The following ATP5MG variants were observed in gnomAD, a reference collection of about 807,000 sequenced individuals.
The protein encoded by ATP5MG is ATP synthase F(0) complex subunit g, mitochondrial.
ATP5MG carries 7 observed loss-of-function variants against 12.7 expected under a neutral mutation model. The observed-to-expected ratio is 0.55, with a 90% CI of 0.31 to 1.04. ATP5MG has a LOEUF of 1.04. Ranked by LOEUF, ATP5MG falls within the 50% of genes least tolerant of loss-of-function variation. The pLI, the probability that ATP5MG is intolerant of heterozygous loss-of-function variation, is 0.05. For missense variants in ATP5MG, 116 were observed against 126.7 expected (o/e 0.92, Z 0.41); for synonymous variants, 53 against 48.2 (o/e 1.10, Z -0.41).
intron 1 of ATP5MG, among the ~76,000 whole-genome samples, chr11:118,402,799 A>T (rs548648449): frequency 1.3e-5 from 2 of 150,890 alleles, no homozygotes; most frequent in East Asian, 3.9e-4. Flanking sequence ...TCCTAGGCTC[A>T]AGCGATCCTC....
chr11:118,407,171 G>C, intron 2 of ATP5MG, 74 bp downstream of exon 2: 1 of 1,583,816 alleles, frequency 6.3e-7, no homozygotes, highest in Non-Finnish European at 8.6e-7. Flanking sequence ...TGATTGTTTT[G>C]ATTAATATAT....
At chr11:118,403,587 G>A (rs1390124642) in intron 1 of ATP5MG, among the ~76,000 whole-genome samples, 2 of 152,088 alleles carry the variant, frequency 1.3e-5, no homozygotes, top group African/African-American at 4.8e-5. Flanking sequence ...CCTGAGGTCA[G>A]GAGTTAGACA....
At chr11:118,401,884 C>T (rs781853759) in intron 1 of ATP5MG, 167 bp downstream of exon 1, 1 of 735,410 alleles carries the variant, frequency 1.4e-6, no homozygotes, top group Non-Finnish European at 2.2e-6. Context: ...TCTTTTCTAG[C>T]CTTCCACTCG....
Position 118,401,673 on chromosome 11 carries a change from A to C in ATP5MG, c.8A>C (p.Gln3Pro), listed in dbSNP as rs2134123591. 6.2e-7 allele frequency: 1 copy of C among 1,614,016 alleles called. No individual in the cohort carries two copies. Among genetic ancestry groups the C allele is most frequent in the African/African-American group, 1.3e-5 (1 of 75,002 alleles). Reference sequence around the variant, plus strand: ...ACTCTCCATTCCAGAACCATGGCCCAATTTGTCCGTAACCTTGTGGAGAAG... The same window carrying C: ...ACTCTCCATTCCAGAACCATGGCCCCATTTGTCCGTAACCTTGTGGAGAAG... Reference protein sequence around the residue: MAQFVRNLVEKTP... With the variant: MAPFVRNLVEKTP... The change falls in exon 1 of 3, where the codon CAA becomes CCA. Residue 3 changes from glutamine (Q) to proline (P), a missense_variant. Coordinates refer to ENST00000300688, the MANE Select transcript of ATP5MG (RefSeq NM_006476.5).
At chr11:118,406,709 T>C in intron 1 of ATP5MG, 1 of 571,744 alleles carries the variant, frequency 1.7e-6, no homozygotes, top group Non-Finnish European at 3.0e-6. Flanking sequence ...AATGTGCTTA[T>C]AGCATCCTGC....
chr11:118,405,692 C>A lies in ATP5MG; in HGVS notation c.53-1245C>A, dbSNP rs185269366. On this transcript the variant is annotated intron_variant, in intron 1 of 2. Coordinates refer to ENST00000300688, the MANE Select transcript of ATP5MG (RefSeq NM_006476.5). The stretch of plus-strand genomic sequence containing the variant: ...TTCTGTTTGGAACTATCTCTTAGAG[C>A]TTTGTGTCTGCTTAAAGGTATGCCC... 240 of 985,162 alleles carry A rather than the reference C, an allele frequency of 2.4e-4. 1 individual carries two copies. In the African/African-American group the frequency reaches 4.1e-3, roughly 17 times the overall value. The allele number at this position is 985,162 out of a possible 1,614,324, so 61.0% of individuals were successfully genotyped here.
intron 1 of ATP5MG, chr11:118,401,974 A>C (rs1030059374): frequency 1.5e-5 from 7 of 457,080 alleles, no homozygotes; most frequent in Non-Finnish European, 2.7e-5. Flanking sequence ...GGTAGTGTGA[A>C]GGAAGCCCGG....
At chr11:118,402,696 CTTTTTTTT>C (rs782335353) in intron 1 of ATP5MG, among the ~76,000 whole-genome samples, 1 of 128,220 alleles carries the variant, frequency 7.8e-6, no homozygotes, top group African/African-American at 2.9e-5. Flanking sequence ...TTCTTTCTTT[CTTTTTTTT>C]TTTTTTTTTT....
Position 118,401,612 on chromosome 11 carries a change from G to A in ATP5MG, c.-54G>A. On this transcript the variant is annotated 5_prime_UTR_variant, in exon 1 of 3. Transcript: ENST00000300688. ...ACGGGGTCCTGCAGCGGGTCCTTCC[G>A]GCGGGTGACATTCAGCCGGCGGTTC... The A allele has an allele frequency of 1.9e-6, 3 of 1,610,714 alleles. No homozygotes were observed. The highest frequency in any genetic ancestry group is 1.1e-5 in the South Asian group (1 of 90,968).
intron 2 of ATP5MG, 70 bp from the exon 3 acceptor site, chr11:118,408,930 A>AATATATATAT: frequency 2.4e-6 from 1 of 411,636 alleles, no homozygotes; most frequent in Admixed American, 5.2e-5. Flanking sequence ...AATAGTTTCA[A>AATATATATAT]ATATATATAT....
chr11:118,402,278 GA>G (rs1216135180), intron 1 of ATP5MG, among the ~76,000 whole-genome samples: 1 of 152,124 alleles, frequency 6.6e-6, no homozygotes, highest in Non-Finnish European at 1.5e-5. Context: ...CTTCATGGAT[GA>G]GTATCCATGC....
chr11:118,406,782 G>A (rs1187811368), intron 1 of ATP5MG, 155 bp from the exon 2 acceptor site: 3 of 1,114,684 alleles, frequency 2.7e-6, no homozygotes, highest in Non-Finnish European at 3.7e-6. Context: ...TTACCAGGGA[G>A]CAGCTTTGAC....
In ATP5MG at chr11:118,403,476, A is replaced by G. The variant is rs187508231; in HGVS notation, c.52+1759A>G. Among the ~76,000 whole-genome samples the G allele has an allele frequency of 1.3e-4, 19 of 143,830 alleles. 1 individual carries two copies. In the South Asian group the frequency reaches 3.1e-3, roughly 24 times the overall value. The allele number at this position is 143,830 out of a possible 152,430, so 94.4% of individuals were successfully genotyped here. Reference sequence around the variant, plus strand: ...GCACCACTGCATTCCAGCCTGGGCGACGAAGCGAGGCTAGGTCTCAAAAAA... The same window carrying G: ...GCACCACTGCATTCCAGCCTGGGCGGCGAAGCGAGGCTAGGTCTCAAAAAA... On this transcript the variant is annotated intron_variant, in intron 1 of 2. Transcript: ENST00000300688.
intron 2 of ATP5MG, among the ~76,000 whole-genome samples, chr11:118,408,136 T>C (rs1555132445): frequency 6.6e-6 from 1 of 152,108 alleles, no homozygotes; most frequent in South Asian, 2.1e-4. Context: ...CACTCCAGCC[T>C]GGGTGACAGA....
chr11:118,402,463 T>A (rs543710794), intron 1 of ATP5MG, among the ~76,000 whole-genome samples: 2 of 152,290 alleles, frequency 1.3e-5, no homozygotes, highest in African/African-American at 4.8e-5. Flanking sequence ...ATATTTCAGT[T>A]GTCTTCTCAG....
intron 2 of ATP5MG, chr11:118,407,402 C>T (rs2134128868): frequency 3.9e-6 from 1 of 259,312 alleles, no homozygotes; most frequent in Non-Finnish European, 7.5e-6. Flanking sequence ...TGATGGCTTG[C>T]TTTGCTGAGT....
At chr11:118,402,249 A>T (rs557172354) in intron 1 of ATP5MG, among the ~76,000 whole-genome samples, 9 of 152,260 alleles carry the variant, frequency 5.9e-5, no homozygotes, top group Admixed American at 5.2e-4. Flanking sequence ...ATCCGAGGGA[A>T]ATTTTAGGTG....
intron 2 of ATP5MG, 133 bp from the exon 3 acceptor site, chr11:118,408,867 T>C (rs2134129985): frequency 4.1e-6 from 1 of 241,304 alleles, no homozygotes; most frequent in East Asian, 1.1e-4. Context: ...TAAAACTGCC[T>C]TCTAGTTTGA....
chr11:118,402,677 ATTTTCT>A (rs1301313532), intron 1 of ATP5MG, among the ~76,000 whole-genome samples: 1 of 135,500 alleles, frequency 7.4e-6, no homozygotes, highest in Non-Finnish European at 1.6e-5. Flanking sequence ...TGGTTTGGGT[ATTTTCT>A]TTTTCTTTCT....
Sources: gnomAD v4.1 joint callset for allele counts (sites outside exome capture counted in the v4.1 genomes callset) on GRCh38, gnomAD v4.1.1 for gene constraint, MANE v1.5 for transcripts, NCBI Gene and HGNC (gene_info 2026-07-23, HGNC 2026-07-21) for gene names.